Variants in MYL6 observed in about 807,000 individuals in gnomAD.
MYL6 encodes the protein myosin light chain 6, also known as myosin light polypeptide 6.
In MYL6, 20 loss-of-function variants were observed where a neutral mutation model predicts 20.3. The observed-to-expected ratio is 0.98, with a 90% CI of 0.69 to 1.43. MYL6 has a LOEUF of 1.43. Among genes scored for constraint, MYL6 ranks in the 40% most tolerant of loss-of-function variants. The pLI, the probability that MYL6 is intolerant of heterozygous loss-of-function variation, is 0.00. For missense variants in MYL6, 164 were observed against 191.0 expected (o/e 0.86, Z 0.83); for synonymous variants, 77 against 72.4 (o/e 1.06, Z -0.32).
chr12:56,159,825 G>A (rs1487878155), intron 3 of MYL6, 95 bp downstream of exon 3: 2 of 1,537,742 alleles, frequency 1.3e-6, no homozygotes, highest in Non-Finnish European at 1.7e-6. Context: ...CCAAACTCAA[G>A]CAAGTCTGGA....
At chr12:56,160,194 G>A (rs375401051) in intron 4 of MYL6, 46 bp downstream of exon 4, 3 of 1,613,582 alleles carry the variant, frequency 1.9e-6, no homozygotes, top group Non-Finnish European at 2.5e-6. Flanking sequence ...GCACCCTGAG[G>A]TACCTCACTT....
rs1049563979 is a variant in MYL6 at position 56,158,678 on chromosome 12, G to A, written c.4-6G>A. On this transcript the variant is annotated splice_polypyrimidine_tract_variant and splice_region_variant and intron_variant, in intron 1 of 6. Transcript: ENST00000550697. The stretch of plus-strand genomic sequence containing the variant: ...GATGCTGACCACTTCCCTCTTCTCT[G>A]AGCAGTGTGACTTCACCGAAGACCA... 2 of 1,613,988 alleles carry A rather than the reference G, an allele frequency of 1.2e-6. No homozygotes were observed. Among genetic ancestry groups the A allele is most frequent in the African/African-American group, 2.7e-5 (2 of 74,858 alleles).
chr12:56,158,436 T>C (rs757629856), intron 1 of MYL6, 32 bp downstream of exon 1: 40 of 1,544,024 alleles, frequency 2.6e-5, no homozygotes, highest in Admixed American at 1.0e-4. Flanking sequence ...ACGGGCAGGA[T>C]TGGGGACGAG....
At chr12:56,161,072 T>C (rs1014611809) in intron 6 of MYL6, 41 of 573,044 alleles carry the variant, frequency 7.2e-5, no homozygotes, top group Non-Finnish European at 1.0e-4. Context: ...AGCTTGGAGG[T>C]ACCCTAACCC....
chr12:56,160,284 G>C lies in MYL6; in HGVS notation c.391G>C (p.Gly131Arg). 6.2e-7 allele frequency: 1 copy of C among 1,614,236 alleles called. No homozygotes were observed. The highest frequency in any genetic ancestry group is 8.5e-7 in the Non-Finnish European group (1 of 1,180,046). Residue 131 changes from glycine to arginine, a missense_variant, in exon 5 of 7, where the codon GGG becomes CGG. Transcript: ENST00000550697. The part of the protein sequence containing the change: ...TEEEVEMLVA[G>R]HEDSNGCINY... ...GGAAGAAGTAGAGATGCTGGTGGCAGGGCATGAGGACAGCAATGGTTGTAT... is the reference window on the plus strand; with the variant it reads ...GGAAGAAGTAGAGATGCTGGTGGCACGGCATGAGGACAGCAATGGTTGTAT...
intron 6 of MYL6, chr12:56,160,896 G>A (rs1009252883): frequency 7.4e-5 from 44 of 596,954 alleles, no homozygotes; most frequent in East Asian, 1.1e-4. Flanking sequence ...TTACTTATGC[G>A]GCCCTGGGTG....
chr12:56,158,737 G>A (rs371717852), intron 2 of MYL6, 26 bp downstream of exon 2: 7 of 1,613,260 alleles, frequency 4.3e-6, no homozygotes, highest in East Asian at 4.5e-5. Flanking sequence ...TCCCTACCGA[G>A]GTCACCCTTA....
In MYL6 at chr12:56,159,623, G is replaced by C. The variant is rs768706739; in HGVS notation, c.68G>C (p.Gly23Ala). 1.2e-6 allele frequency: 2 copies of C among 1,614,034 alleles called. No individual in the cohort carries two copies. The highest frequency in any genetic ancestry group is 1.7e-6 in the Non-Finnish European group (2 of 1,179,996). ...KEAFQLFDRTGDGKILYSQCG... is the reference protein window; with the variant it reads ...KEAFQLFDRTADGKILYSQCG... ...GCCTTCCAGCTGTTTGACCGAACAGGTGATGGCAAGATCCTGTACAGCCAG... is the reference window on the plus strand; with the variant it reads ...GCCTTCCAGCTGTTTGACCGAACAGCTGATGGCAAGATCCTGTACAGCCAG... Residue 23 changes from glycine (G) to alanine (A), a missense_variant, in exon 3 of 7, where the codon GGT becomes GCT. Transcript: ENST00000550697.
At position 56,158,787 on chromosome 12, in the gene MYL6, C is replaced by A. The variant is rs1304527502; in HGVS notation, c.31+76C>A. The A allele has an allele frequency of 8.1e-6, 13 of 1,598,556 alleles. No homozygotes were observed. The African/African-American group carries it at 1.7e-4, about 21-fold the overall frequency. ...CTCCCCCCAGCACCTATCCTCTAAT[C>A]TTAATCTGTCATCTCTTTAGCACCC... On this transcript the variant is annotated intron_variant, in intron 2 of 6. Transcript: ENST00000550697.
At chr12:56,161,001 G>A in intron 6 of MYL6, 1 of 562,486 alleles carries the variant, frequency 1.8e-6, no homozygotes, top group Non-Finnish European at 3.2e-6. Context: ...AGAGGGGTAT[G>A]GGTTGCCTGC....
chr12:56,160,806 AG>A (rs1871759663), intron 6 of MYL6, 136 bp downstream of exon 6: 4 of 947,226 alleles, frequency 4.2e-6, no homozygotes, highest in Admixed American at 4.7e-5. Context: ...GGAGCTGACT[AG>A]GGAGGGGAGG....
At chr12:56,158,465 G>A (rs746680998) in intron 1 of MYL6, 61 bp downstream of exon 1, 112 of 1,562,638 alleles carry the variant, frequency 7.2e-5, no homozygotes, top group Non-Finnish European at 9.0e-5. Context: ...AGAGACGGGT[G>A]GGGGGCGAGG....
Position 56,159,737 on chromosome 12 carries a change from G to A in MYL6, c.175+7G>A. Reference sequence around the variant, plus strand: ...GGGAACCCCAAGAGTGATGGTGAGGGGCCTAAAGAACAACTCCTCAGTGTG... The same window carrying A: ...GGGAACCCCAAGAGTGATGGTGAGGAGCCTAAAGAACAACTCCTCAGTGTG... On this transcript the variant is annotated splice_region_variant and intron_variant, in intron 3 of 6. Transcript: ENST00000550697. 6 of 1,612,640 alleles carry A rather than the reference G, an allele frequency of 3.7e-6. No individual in the cohort carries two copies. Among genetic ancestry groups the A allele is most frequent in the Non-Finnish European group, 4.2e-6 (5 of 1,179,300 alleles).
At chr12:56,158,795 G>GTCA in intron 2 of MYL6, 84 bp downstream of exon 2, 1 of 1,594,144 alleles carries the variant, frequency 6.3e-7, no homozygotes, top group Non-Finnish European at 8.5e-7. Flanking sequence ...ATCTTAATCT[G>GTCA]TCATCTCTTT....
rs181950362 is a variant in MYL6 at position 56,159,074 on chromosome 12, G to A, written c.31+363G>A. 2.2e-5 allele frequency: 12 copies of A among 535,496 alleles called. No individual in the cohort carries two copies. The East Asian group carries it at 2.6e-4, about 11-fold the overall frequency. 33.2% of individuals were successfully genotyped at this position (535,496 alleles called of 1,614,324 possible). On this transcript the variant is annotated intron_variant, in intron 2 of 6. Coordinates refer to ENST00000550697, the MANE Select transcript of MYL6 (RefSeq NM_021019.5). ...TTCTCCTCTTGTGATAACTGTCCCC[G>A]CCCTCCCAGCTTGCAGTTGTGAAGA... is the stretch of plus-strand genomic sequence containing the variant.
In MYL6 at chr12:56,161,438, G is replaced by C. The variant is rs138878418; in HGVS notation, c.*68G>C. ...TGAGGACCTTCCCAGTCTCCCCAGA[G>C]TCCGTGCCTTTCCCTGTGTGAATTT... On this transcript the variant is annotated 3_prime_UTR_variant, in exon 7 of 7. Coordinates refer to ENST00000550697, the MANE Select transcript of MYL6 (RefSeq NM_021019.5). 337 of 1,614,034 alleles carry C rather than the reference G, an allele frequency of 2.1e-4. No homozygotes were observed. The African/African-American group carries it at 4.0e-3, about 19-fold the overall frequency.
chr12:56,158,444 G>A (rs750656569), intron 1 of MYL6, 40 bp downstream of exon 1: 5 of 1,548,418 alleles, frequency 3.2e-6, no homozygotes, highest in East Asian at 2.3e-5. Flanking sequence ...GATTGGGGAC[G>A]AGAGGCAGGA....
chr12:56,159,309 G>A (rs1432865000), intron 2 of MYL6: 1 of 416,618 alleles, frequency 2.4e-6, no homozygotes, highest in Non-Finnish European at 4.3e-6. Flanking sequence ...CCTGCCCTGA[G>A]AAGTGTAGTA....
intron 1 of MYL6, 123 bp downstream of exon 1, chr12:56,158,527 G>C: frequency 6.2e-7 from 1 of 1,608,826 alleles, no homozygotes; most frequent in Non-Finnish European, 8.5e-7. Context: ...AAGGTTGGAG[G>C]TGGGGTTGGA....
Sources: gnomAD v4.1 joint callset for allele counts on GRCh38, gnomAD v4.1.1 for gene constraint, MANE v1.5 for transcripts, NCBI Gene and HGNC (gene_info 2026-07-23, HGNC 2026-07-21) for gene names.